GRIN2C: variants seen among roughly 807,000 people sequenced by gnomAD.
GRIN2C encodes the protein glutamate receptor ionotropic, NMDA 2C.
GRIN2C carries 64 observed loss-of-function variants against 77.7 expected under a neutral mutation model. The observed-to-expected ratio is 0.82, with a 90% CI of 0.67 to 1.01. The LOEUF (loss-of-function observed/expected upper bound fraction) is 1.01. Ranked by LOEUF, GRIN2C falls within the 50% of genes least tolerant of loss-of-function variation. The pLI, the probability that GRIN2C is intolerant of heterozygous loss-of-function variation, is 0.00. For synonymous variants in GRIN2C, 792 were observed against 643.4 expected, an observed-to-expected ratio of 1.23 and a Z score of -3.49; for missense variants, 1,549 against 1,486.0, an observed-to-expected ratio of 1.04 and a Z score of -0.70.
chr17:74,842,485 G>A lies in GRIN2C; in HGVS notation c.3652C>T (p.Pro1218Ser), dbSNP rs1446511737. Residue 1218 changes from proline (P) to serine (S), a missense_variant, in exon 13 of 13, where the codon CCG becomes TCG. Pro to Ser is a moderately conservative substitution (Grantham distance 74). Around this residue, in one of 3 missense-constraint regions of GRIN2C, gnomAD observed 450 missense variants for 267.9 expected, o/e 1.68. Transcript: ENST00000293190. The stretch of plus-strand genomic sequence containing the variant: ...ATCCGTCTCCAGGTGCAGGGTCCCG[G>A]GAAGCCTTGCGTCCCACGGGCTACC... ...SRVARGTQGF[P>S]GPCTWRRISS... The A allele has an allele frequency of 2.6e-6, 2 of 778,318 alleles. No homozygotes were observed. Among genetic ancestry groups the A allele is most frequent in the African/African-American group, 1.7e-5 (1 of 59,046 alleles). 48.2% of individuals were successfully genotyped at this position (778,318 alleles called of 1,614,324 possible).
Position 74,844,441 on chromosome 17 carries a change from C to T in GRIN2C, c.2418G>A (p.Met806Ile), listed in dbSNP as rs369028851. Residue 806 changes from methionine (M) to isoleucine (I), a missense_variant, in exon 12 of 13, where the codon ATG becomes ATA. Coordinates refer to ENST00000293190, the MANE Select transcript of GRIN2C (RefSeq NM_000835.6). ...TGTTGTCGATGTCCAGCTTGCTGCT[C>T]ATCACCTCGTTCTTCTCATTCTGGC... ...GICQNEKNEV[M>I]SSKLDIDNMA... The T allele has an allele frequency of 1.2e-6, 2 of 1,614,232 alleles. No homozygotes were observed. The highest frequency in any genetic ancestry group is 2.2e-5 in the East Asian group (1 of 44,888).
At position 74,852,155 on chromosome 17, in the gene GRIN2C, G is replaced by A. The variant is rs1002578183; in HGVS notation, c.856C>T (p.Arg286Cys). ...GCCACGCCGTCGCGCACCTTCTGGCGCAGGCTGAGGCGCCAGCTCTCGGTG... is the reference window on the plus strand; with the variant it reads ...GCCACGCCGTCGCGCACCTTCTGGCACAGGCTGAGGCGCCAGCTCTCGGTG... ...VVTESWRLSL[R>C]QKVRDGVAIL... Residue 286 changes from arginine (R) to cysteine (C), a missense_variant, in exon 3 of 13, where the codon CGC becomes TGC. Physicochemically the swap from Arg to Cys is radical, Grantham distance 180. Transcript: ENST00000293190. 16 of 1,452,486 alleles carry A rather than the reference G, an allele frequency of 1.1e-5. No individual in the cohort carries two copies. The highest frequency in any genetic ancestry group is 2.8e-5 in the East Asian group (1 of 35,950). The allele number at this position is 1,452,486 out of a possible 1,614,324, so 90.0% of individuals were successfully genotyped here. A position where few individuals can be genotyped will look rare whatever the true frequency, so the allele number is the denominator to read the frequency against.
At chr17:74,845,404 A>C (rs1301574746) in intron 11 of GRIN2C, among the ~76,000 whole-genome samples, 1 of 151,644 alleles carries the variant, frequency 6.6e-6, no homozygotes, top group Non-Finnish European at 1.5e-5. Context: ...AGCTGGGATT[A>C]TAGGTGTGTG....
intron 12 of GRIN2C, 22 bp from the exon 13 acceptor site, chr17:74,843,575 G>A (rs1310426787): frequency 1.3e-6 from 2 of 1,530,176 alleles, no homozygotes; most frequent in African/African-American, 1.4e-5. Context: ...GGAGACGACA[G>A]GCCGTAAGCA....
chr17:74,847,852 T>G lies in GRIN2C; in HGVS notation c.1771A>C (p.Lys591Gln). The G allele has an allele frequency of 1.2e-6, 2 of 1,613,926 alleles. No individual in the cohort carries two copies. Among genetic ancestry groups the G allele is most frequent in the Non-Finnish European group, 1.7e-6 (2 of 1,179,936 alleles). ...SYNQNLTRGKKSGGPAFTIGK... is the reference protein window; with the variant it reads ...SYNQNLTRGKQSGGPAFTIGK... ...CCTGCCGGGCCCAGGCAAGGCTTAC[T>G]CTTGCCTCTGGTGAGGTTCTGGTTG... Residue 591 changes from lysine (K) to glutamine (Q), a missense_variant and splice_region_variant, in exon 8 of 13, where the codon AAG becomes CAG. By Grantham distance (53) the Lys-to-Gln change is moderately conservative. Transcript: ENST00000293190. This position sits in a 1 kb window ranked among gnomAD's most constrained non-coding sequence, Gnocchi z 5.2.
rs778111395 is a variant in GRIN2C, at chr17:74,842,397, G to C, written c.*38C>G. ...CGCTTAACCCTGACAGTGGCAGGCA[G>C]AGAATCCAGCTGGCTCGGAGCCTGA... is the stretch of plus-strand genomic sequence containing the variant. On this transcript the variant is annotated 3_prime_UTR_variant, in exon 13 of 13. Transcript: ENST00000293190. The C allele has an allele frequency of 1.3e-6, 1 of 747,124 alleles. No individual in the cohort carries two copies. The highest frequency in any genetic ancestry group is 2.5e-6 in the Non-Finnish European group (1 of 402,946). 46.3% of individuals were successfully genotyped at this position (747,124 alleles called of 1,614,324 possible).
Position 74,852,554 on chromosome 17 carries a change from G to A in GRIN2C, c.457C>T (p.Leu153=). 2 of 1,518,288 alleles carry A rather than the reference G, an allele frequency of 1.3e-6. No individual in the cohort carries two copies. Among genetic ancestry groups the A allele is most frequent in the Non-Finnish European group, 1.8e-6 (2 of 1,137,856 alleles). 94.1% of individuals were successfully genotyped at this position (1,518,288 alleles called of 1,614,324 possible). A position where few individuals can be genotyped will look rare whatever the true frequency, so the allele number is the denominator to read the frequency against. ...GVSLEQQLQV[L]FKVLEEYDWS... ...TCGTACTCTTCCAGCACCTTGAACA[G>A]CACCTGCAGCTGCTGCTCCAGGGAC... Residue 153 remains leucine, a synonymous_variant, in exon 3 of 13, where the codon CTG becomes TTG. Transcript: ENST00000293190.
upstream of GRIN2C, chr17:74,860,783 G>C: frequency 2.9e-6 from 1 of 342,062 alleles, no homozygotes; most frequent in East Asian, 8.3e-5. Context: ...GCAGGAAGGA[G>C]AGAGCTAGGC....
Position 74,852,421 on chromosome 17 carries a change from T to TACG in GRIN2C, c.589_590insCGT (p.Asp197delinsAlaTyr). On this transcript the variant is annotated protein_altering_variant, in exon 3 of 13. Transcript: ENST00000293190. ...CGGGCCCAGCTCCAGCGTGACCACG[T>TACG]CCAGCAGCCGCCAACTCACGTGGCT... The TACG allele has an allele frequency of 6.6e-7, 1 of 1,516,166 alleles. No homozygotes were observed. The highest frequency in any genetic ancestry group is 8.8e-7 in the Non-Finnish European group (1 of 1,140,408). 93.9% of individuals were successfully genotyped at this position (1,516,166 alleles called of 1,614,324 possible).
chr17:74,853,615 G>A (rs2037728947), intron 2 of GRIN2C: 1 of 152,230 alleles, frequency 6.6e-6, no homozygotes, highest in South Asian at 2.1e-4. Context: ...GATGGAATAA[G>A]AGGATGCCTG....
chr17:74,846,684 C>A lies in GRIN2C; in HGVS notation c.2162+76G>T. ...CTGCAGGACAGCCCAGTCCCACTGT[C>A]CCCACATTGAGAGCTAAGGCTGGTC... On this transcript the variant is annotated intron_variant, in intron 10 of 12. Coordinates refer to ENST00000293190, the MANE Select transcript of GRIN2C (RefSeq NM_000835.6). This position sits in a 1 kb window ranked among gnomAD's most constrained non-coding sequence, Gnocchi z 4.4. 6.8e-7 allele frequency: 1 copy of A among 1,472,540 alleles called. No homozygotes were observed. The highest frequency in any genetic ancestry group is 1.2e-5 in the South Asian group (1 of 80,090). The allele number at this position is 1,472,540 out of a possible 1,614,324, so 91.2% of individuals were successfully genotyped here.
rs376482427 is a variant in GRIN2C at position 74,852,600 on chromosome 17, G to A, written c.411C>T (p.Ser137=). 7.1e-5 allele frequency: 99 copies of A among 1,389,316 alleles called. No homozygotes were observed. In the African/African-American group the frequency reaches 1.0e-3, roughly 15 times the overall value. The allele number at this position is 1,389,316 out of a possible 1,614,324, so 86.1% of individuals were successfully genotyped here. The change falls in exon 3 of 13, where the codon TCC becomes TCT. Residue 137 remains serine (S), a synonymous_variant. Transcript: ENST00000293190. ...GGGACACGCCCAGCTGCAGGAAGGC[G>A]GAGCCCGGCTCCTGGGGGCGGGCGG... The part of the protein sequence containing the change: ...AVVLTPKEPG[S]AFLQLGVSLE...
At position 74,847,558 on chromosome 17, in the gene GRIN2C, G is replaced by T; in HGVS notation, c.1772-21C>A. On this transcript the variant is annotated intron_variant, in intron 8 of 12. Transcript: ENST00000293190. The surrounding 1 kb of genome is among the most constrained non-coding windows in gnomAD (Gnocchi z 5.2). ...GGACTCTGGGGGCAAGAGGCGGGGG[G>T]ATGCTGGAGCTCCTCCTGCCCACCA... 6.5e-7 allele frequency: 1 copy of T among 1,545,452 alleles called. No homozygotes were observed.
rs74415725 is a variant in GRIN2C, at chr17:74,846,073, C to T, written c.2343G>A (p.Leu781=). The change falls in exon 11 of 13, where the codon CTG becomes CTA. Residue 781 remains leucine (L), a synonymous_variant. Transcript: ENST00000293190. The surrounding 1 kb of genome is among the most constrained non-coding windows in gnomAD (Gnocchi z 4.4). ...RAIDLALLQF[L]GDGETQKLET... ...AGCAATGGCAGTACCCACCGTCCCC[C>T]AGGAACTGCAAGAGCGCCAGGTCTA... is the stretch of plus-strand genomic sequence containing the variant. The T allele has an allele frequency of 8.7e-6, 14 of 1,614,030 alleles. No homozygotes were observed. Among genetic ancestry groups the T allele is most frequent in the Non-Finnish European group, 1.2e-5 (14 of 1,179,878 alleles).
intron 4 of GRIN2C, chr17:74,851,294 G>A: frequency 4.7e-6 from 2 of 423,044 alleles, no homozygotes; most frequent in Non-Finnish European, 8.6e-6. Context: ...GGCCAGCATG[G>A]TCATGGGTTA....
rs758714191 is a variant in GRIN2C at position 74,844,347 on chromosome 17, G to A, written c.2512C>T (p.Leu838=). Residue 838 remains leucine, a synonymous_variant, in exon 12 of 13, where the codon CTG becomes TTG. Transcript: ENST00000293190. ...GAGTGGCGCAGCTTCCAGTAGACCA[G>A]GTGCTCCCAGGCGAAGACCAGCAGG... ...LALLVFAWEH[L]VYWKLRHSVP... 6 of 1,614,144 alleles carry A rather than the reference G, an allele frequency of 3.7e-6. No individual in the cohort carries two copies. Among genetic ancestry groups the A allele is most frequent in the Non-Finnish European group, 5.1e-6 (6 of 1,180,028 alleles).
In GRIN2C at chr17:74,846,041, G is replaced by T; in HGVS notation, c.2350+25C>A. 6.2e-7 allele frequency: 1 copy of T among 1,607,520 alleles called. No homozygotes were observed. The highest frequency in any genetic ancestry group is 8.5e-7 in the Non-Finnish European group (1 of 1,174,490). ...CCTTGGGCTCCACAGCCCACCCTGG[G>T]CATCCCAGCAATGGCAGTACCCACC... On this transcript the variant is annotated intron_variant, in intron 11 of 12. Transcript: ENST00000293190. This position sits in a 1 kb window ranked among gnomAD's most constrained non-coding sequence, Gnocchi z 4.4.
At chr17:74,852,685 C>T (rs2037702425) in intron 2 of GRIN2C, 74 bp from the exon 3 acceptor site, 14 of 670,772 alleles carry the variant, frequency 2.1e-5, no homozygotes, top group South Asian at 2.9e-5. Flanking sequence ...ACCTCGGCCC[C>T]TCCATCAGCT....
Position 74,842,464 on chromosome 17 carries a change from G to A in GRIN2C, c.3673C>T (p.Arg1225Trp). Reference sequence around the variant, plus strand: ...ACTTCTGACTCCAGACTGGAGATCCGTCTCCAGGTGCAGGGTCCCGGGAAG... The same window carrying A: ...ACTTCTGACTCCAGACTGGAGATCCATCTCCAGGTGCAGGGTCCCGGGAAG... ...QGFPGPCTWRRISSLESEV is the reference protein window; with the variant it reads ...QGFPGPCTWRWISSLESEV The change falls in exon 13 of 13, where the codon CGG (arginine) becomes TGG (tryptophan). Residue 1225 changes from arginine to tryptophan, a missense_variant. Arg to Trp is a moderately radical substitution (Grantham distance 101). Coordinates refer to ENST00000293190, the MANE Select transcript of GRIN2C (RefSeq NM_000835.6). 5 of 776,506 alleles carry A rather than the reference G, an allele frequency of 6.4e-6. No individual in the cohort carries two copies. Among genetic ancestry groups the A allele is most frequent in the African/African-American group, 3.4e-5 (2 of 59,042 alleles). The allele number at this position is 776,506 out of a possible 1,614,324, so 48.1% of individuals were successfully genotyped here.
Sources: gnomAD v4.1 joint callset for allele counts (sites outside exome capture counted in the v4.1 genomes callset) on GRCh38, gnomAD v4.1.1 for gene constraint, gnomAD v4.1.1 regional missense constraint, Gnocchi (gnomAD v3.1) non-coding constraint, MANE v1.5 for transcripts, NCBI Gene and HGNC (gene_info 2026-07-23, HGNC 2026-07-21) for gene names.